TGM2: variants seen among roughly 807,000 people sequenced by gnomAD.
TGM2 encodes transglutaminase 2, also known as protein-glutamine gamma-glutamyltransferase 2.
Under a neutral mutation model 75.6 loss-of-function variants are expected in TGM2, and 53 were observed. That is an observed-to-expected ratio of 0.70 (90% CI 0.56 to 0.88). The LOEUF (loss-of-function observed/expected upper bound fraction) is 0.88. Among genes scored for constraint, TGM2 ranks in the 40% least tolerant of loss-of-function variants. The pLI is 0.00. For synonymous variants in TGM2, 374 were observed against 381.1 expected (o/e 0.98, Z 0.22); for missense variants, 842 against 928.5 (o/e 0.91, Z 1.21).
At chr20:38,150,850 C>G (rs2075107073) in intron 4 of TGM2, 89 bp downstream of exon 4, 3 of 980,614 alleles carry the variant, frequency 3.1e-6, no homozygotes, top group Non-Finnish European at 5.0e-6. Context: ...GACTCACTCC[C>G]ACCTGTGCAG....
At chr20:38,135,713 C>T (rs1568683498) in intron 10 of TGM2, among the ~76,000 whole-genome samples, 1 of 152,092 alleles carries the variant, frequency 6.6e-6, no homozygotes, top group Non-Finnish European at 1.5e-5. Flanking sequence ...GACACAGGAA[C>T]CCCCGAGCCC....
chr20:38,168,009 GCCAA>G (rs770491659), upstream of TGM2, among the ~76,000 whole-genome samples: 10 of 152,170 alleles, frequency 6.6e-5, no homozygotes, highest in Non-Finnish European at 1.2e-4. Context: ...TACAGCAGCA[GCCAA>G]ACAGTCAGCC....
rs897224379 is a variant in TGM2 at position 38,129,042 on chromosome 20, G to A, written c.*1177C>T. On this transcript the variant is annotated 3_prime_UTR_variant, in exon 13 of 13. Transcript: ENST00000361475. ...TGGGCATAGGAAGGAACCAGGACAGGGCTGGGGACAGAAGGTGGTCACAGT... is the reference window on the plus strand; with the variant it reads ...TGGGCATAGGAAGGAACCAGGACAGAGCTGGGGACAGAAGGTGGTCACAGT... The A allele has an allele frequency of 6.6e-6, 1 of 152,586 alleles. No homozygotes were observed. Among genetic ancestry groups the A allele is most frequent in the Admixed American group, 6.5e-5 (1 of 15,288 alleles). 9.5% of individuals were successfully genotyped at this position (152,586 alleles called of 1,614,324 possible). A position where few individuals can be genotyped will look rare whatever the true frequency, so the allele number is the denominator to read the frequency against.
chr20:38,165,266 G>T lies in TGM2; in HGVS notation c.-68C>A. On this transcript the variant is annotated 5_prime_UTR_variant, in exon 1 of 13. Coordinates refer to ENST00000361475, the MANE Select transcript of TGM2 (RefSeq NM_004613.4). ...CTCCAAGTGCGACCACTGGCGGCTGGCACTGCCGAGGCGGAGAGCGGCGCT... is the reference window on the plus strand; with the variant it reads ...CTCCAAGTGCGACCACTGGCGGCTGTCACTGCCGAGGCGGAGAGCGGCGCT... The T allele has an allele frequency of 6.2e-7, 1 of 1,607,206 alleles. No individual in the cohort carries two copies. The highest frequency in any genetic ancestry group is 2.2e-5 in the East Asian group (1 of 44,850).
intron 10 of TGM2, among the ~76,000 whole-genome samples, chr20:38,135,714 C>T (rs573262975): frequency 4.4e-4 from 67 of 152,240 alleles, no homozygotes; most frequent in African/African-American, 1.5e-3. Flanking sequence ...ACACAGGAAC[C>T]CCCGAGCCCA....
rs1458373117 is a variant in TGM2 at position 38,138,131 on chromosome 20, T to G, written c.1597A>C (p.Asn533His). The G allele has an allele frequency of 6.3e-6, 10 of 1,596,672 alleles. No individual in the cohort carries two copies. The Admixed American group carries it at 6.9e-5, about 11-fold the overall frequency. The change falls in exon 10 of 13, where the codon AAC (asparagine) becomes CAC (histidine). Residue 533 changes from asparagine (N) to histidine (H), a missense_variant. Physicochemically the swap from Asn to His is moderately conservative, Grantham distance 68 (BLOSUM62 1). Transcript: ENST00000361475. ...ECGTKYLLNLNLEPFSEKSVP... is the reference protein window; with the variant it reads ...ECGTKYLLNLHLEPFSEKSVP... ...GCTTTACCAGAGAAAGGCTCCAGGT[T>G]GAGGTTGAGCAGGTACTTGGTGCCA...
intron 2 of TGM2, among the ~76,000 whole-genome samples, chr20:38,157,783 G>A (rs1337975123): frequency 6.6e-6 from 1 of 152,230 alleles, no homozygotes. Flanking sequence ...AGGGTTCCGT[G>A]AGAGAGTTCA....
chr20:38,156,806 A>C (rs1487736714), intron 2 of TGM2, among the ~76,000 whole-genome samples: 1 of 152,206 alleles, frequency 6.6e-6, no homozygotes, highest in Non-Finnish European at 1.5e-5. Context: ...GAGAAAACTG[A>C]GGCTCAGAGC....
chr20:38,140,274 G>A (rs931009160), intron 8 of TGM2, among the ~76,000 whole-genome samples: 2 of 152,266 alleles, frequency 1.3e-5, no homozygotes, highest in Non-Finnish European at 2.9e-5. Context: ...GATAGATACA[G>A]TCTAGCACAT....
intron 6 of TGM2, chr20:38,145,321 GTAA>G (rs763271002): frequency 4.6e-5 from 7 of 152,204 alleles, no homozygotes; most frequent in South Asian, 2.1e-4. Flanking sequence ...ATTGAGCCTG[GTAA>G]TAATAATAGT....
intron 10 of TGM2, among the ~76,000 whole-genome samples, chr20:38,134,274 G>A (rs2074870390): frequency 6.6e-6 from 1 of 152,160 alleles, no homozygotes; most frequent in Non-Finnish European, 1.5e-5. Flanking sequence ...TCCCTGGGTG[G>A]ATCTGCTCCA....
intron 6 of TGM2, 87 bp downstream of exon 6, chr20:38,146,630 C>T: frequency 6.6e-7 from 1 of 1,517,042 alleles, no homozygotes. Context: ...GGGGGCAGGA[C>T]CAGGGCAGGG....
chr20:38,140,995 G>A (rs186295242), intron 8 of TGM2, among the ~76,000 whole-genome samples: 12 of 152,288 alleles, frequency 7.9e-5, no homozygotes, highest in South Asian at 4.1e-4. Context: ...GTGGAAGCTC[G>A]TGTGAATGTT....
chr20:38,147,340 G>A (rs2075058625), intron 5 of TGM2, among the ~76,000 whole-genome samples: 1 of 152,074 alleles, frequency 6.6e-6, no homozygotes, highest in Non-Finnish European at 1.5e-5. Flanking sequence ...CACCTCTGCA[G>A]CTTCCTCTGC....
chr20:38,143,069 T>C (rs2074995735), intron 6 of TGM2, among the ~76,000 whole-genome samples: 3 of 152,230 alleles, frequency 2.0e-5, no homozygotes, highest in Admixed American at 2.0e-4. Context: ...ATCTGTCTTA[T>C]GTTAGATCCT....
Position 38,165,202 on chromosome 20 carries a change from C to A in TGM2, c.-4G>T, listed in dbSNP as rs764629321. The A allele has an allele frequency of 6.2e-7, 1 of 1,613,330 alleles. No homozygotes were observed. The highest frequency in any genetic ancestry group is 8.5e-7 in the Non-Finnish European group (1 of 1,179,926). On this transcript the variant is annotated 5_prime_UTR_variant, in exon 1 of 13. Transcript: ENST00000361475. ...TCTGATACTCACCCTCGGCCATGGT[C>A]GGGCGGGGGCGGTGGCTCCTTCCAC...
intron 1 of TGM2, among the ~76,000 whole-genome samples, chr20:38,163,989 T>A (rs2075283379): frequency 6.6e-6 from 1 of 152,218 alleles, no homozygotes; most frequent in South Asian, 2.1e-4. Context: ...ATTTCTGCAC[T>A]TAGAAAGGGC....
At position 38,148,120 on chromosome 20, in the gene TGM2, G is replaced by T. The variant is rs76876724; in HGVS notation, c.553-31C>A. ...TCAGAGGAAACAAGAGGAGAAAGAG[G>T]GAGCTGGGAAGGCACCTCCTCCAGG... On this transcript the variant is annotated intron_variant, in intron 4 of 12. Transcript: ENST00000361475. The T allele has an allele frequency of 5.2e-4, 834 of 1,613,590 alleles. 4 individuals carry two copies. In the African/African-American group the frequency reaches 9.8e-3, roughly 19 times the overall value.
chr20:38,157,588 T>C (rs2075203626), intron 2 of TGM2, among the ~76,000 whole-genome samples: 1 of 152,248 alleles, frequency 6.6e-6, no homozygotes, highest in East Asian at 1.9e-4. Flanking sequence ...ACTTAGCTTC[T>C]CTATGCCACA....
Sources: allele counts gnomAD v4.1 joint callset (sites outside exome capture counted in the v4.1 genomes callset), GRCh38; gene constraint gnomAD v4.1.1; transcripts MANE v1.5; gene names NCBI Gene and HGNC (gene_info 2026-07-23, HGNC 2026-07-21).